The following SORL1 variants were observed in gnomAD, a reference collection of about 807,000 sequenced individuals.
SORL1 encodes the protein sortilin-related receptor.
SORL1 carries 127 observed loss-of-function variants against 273.7 expected under a neutral mutation model. The ratio of observed to expected loss-of-function variants is 0.46; its 90% CI spans 0.40 to 0.54. The LOEUF (loss-of-function observed/expected upper bound fraction) is 0.54. SORL1 is among the 20% of genes least tolerant of loss of function. The pLI is 0.00. For missense variants in SORL1, 2,494 were observed against 2,846.1 expected (o/e 0.88, Z 2.81); for synonymous variants, 1,031 against 1,067.4 (o/e 0.97, Z 0.66).
chr11:121,489,635 G>A (rs931770369), intron 4 of SORL1, among the ~76,000 whole-genome samples: 3 of 152,284 alleles, frequency 2.0e-5, no homozygotes, highest in African/African-American at 4.8e-5. Flanking sequence ...ATGGACACTT[G>A]GATTGCTTCC....
At chr11:121,570,120 G>T in intron 22 of SORL1, 37 bp from the exon 23 acceptor site, 2 of 1,355,172 alleles carry the variant, frequency 1.5e-6, no homozygotes, top group South Asian at 1.2e-5. Context: ...GAATAATATT[G>T]GTTTCATTTC....
intron 14 of SORL1, among the ~76,000 whole-genome samples, chr11:121,547,512 G>A (rs538890142): frequency 7.4e-5 from 11 of 148,748 alleles, no homozygotes; most frequent in Admixed American, 6.8e-5. Flanking sequence ...GGGACCTGCT[G>A]GTCTACCATG....
rs1176772075 is a variant in SORL1 at position 121,563,564 on chromosome 11, T to G, written c.3050-3376T>G. On this transcript the variant is annotated intron_variant, in intron 21 of 47. Transcript: ENST00000260197. This position sits in a 1 kb window ranked among gnomAD's most constrained non-coding sequence, Gnocchi z 4.2. ...GCATGTGCCACCATGCCTGGCTAAT[T>G]TTTTGTATTTTAGTAGAGATTGGGT... 6.6e-6 allele frequency among the ~76,000 whole-genome samples: 1 copy of G among 152,050 alleles called. No individual in the cohort carries two copies. The highest frequency in any genetic ancestry group is 1.5e-5 in the Non-Finnish European group (1 of 68,016).
At chr11:121,615,612 G>A (rs1863628627) in intron 41 of SORL1, among the ~76,000 whole-genome samples, 1 of 152,150 alleles carries the variant, frequency 6.6e-6, no homozygotes, top group African/African-American at 2.4e-5. Flanking sequence ...AAAGCATACA[G>A]AAGTAAATTT....
chr11:121,487,918 G>A (rs1861497718), intron 3 of SORL1, 114 bp from the exon 4 acceptor site: 2 of 1,062,654 alleles, frequency 1.9e-6, no homozygotes, highest in Non-Finnish European at 2.8e-6. Context: ...TGCCTTGTTG[G>A]TGCCAGCTGG....
chr11:121,583,656 A>G, intron 26 of SORL1, 73 bp downstream of exon 26: 10 of 1,494,854 alleles, frequency 6.7e-6, no homozygotes, highest in Non-Finnish European at 9.0e-6. Flanking sequence ...GGCCACAGAG[A>G]GCCAGGGGAT....
intron 1 of SORL1, among the ~76,000 whole-genome samples, chr11:121,467,654 A>C (rs901548974): frequency 1.3e-5 from 2 of 152,064 alleles, no homozygotes; most frequent in African/African-American, 2.4e-5. Context: ...TTTAGCTGGG[A>C]TTCCCAGGGC....
intron 27 of SORL1, 91 bp downstream of exon 27, chr11:121,586,420 T>C (rs1863110431): frequency 7.2e-6 from 7 of 970,326 alleles, no homozygotes; most frequent in Non-Finnish European, 1.2e-5. Context: ...ATTTCCTCAG[T>C]ACCTGCTTGT....
In SORL1 at chr11:121,522,688, C is replaced by G; in HGVS notation, c.1507C>G (p.Leu503Val). 1 of 1,613,096 alleles carries G rather than the reference C, an allele frequency of 6.2e-7. No homozygotes were observed. The highest frequency in any genetic ancestry group is 8.5e-7 in the Non-Finnish European group (1 of 1,178,998). ...PILSKESAPGLIIATGSVGKN... is the reference protein window; with the variant it reads ...PILSKESAPGVIIATGSVGKN... Reference sequence around the variant, plus strand: ...CCTGTCCAAGGAGTCGGCTCCAGGCCTCATCATCGCCACTGGTAAGTGTGC... The same window carrying G: ...CCTGTCCAAGGAGTCGGCTCCAGGCGTCATCATCGCCACTGGTAAGTGTGC... The change falls in exon 10 of 48, where the codon CTC (leucine) becomes GTC (valine). Residue 503 changes from leucine to valine, a missense_variant. Around this residue, in one of 3 missense-constraint regions of SORL1, gnomAD observed 710 missense variants for 882.5 expected, o/e 0.80. Coordinates refer to ENST00000260197, the MANE Select transcript of SORL1 (RefSeq NM_003105.6).
At chr11:121,591,380 A>G (rs1863212583) in intron 31 of SORL1, among the ~76,000 whole-genome samples, 1 of 152,212 alleles carries the variant, frequency 6.6e-6, no homozygotes, top group Admixed American at 6.5e-5. Flanking sequence ...GGAGCATCTC[A>G]TCCTCTATAA....
intron 3 of SORL1, among the ~76,000 whole-genome samples, chr11:121,485,329 T>TA (rs1314352609): frequency 2.0e-5 from 3 of 152,160 alleles, no homozygotes; most frequent in African/African-American, 7.2e-5. Context: ...GCCGTTTTGT[T>TA]AAAAGAGCTG....
chr11:121,545,442 T>C lies in SORL1; in HGVS notation c.2051+13T>C. ...AGGACTATGAGTGGTCAGTTCTTCT[T>C]TGATGGCTGGGGACTGAGTTGTGTT... On this transcript the variant is annotated intron_variant, in intron 14 of 47. Coordinates refer to ENST00000260197, the MANE Select transcript of SORL1 (RefSeq NM_003105.6). 1.2e-6 allele frequency: 2 copies of C among 1,613,196 alleles called. No homozygotes were observed. Among genetic ancestry groups the C allele is most frequent in the East Asian group, 2.2e-5 (1 of 44,836 alleles).
At chr11:121,559,131 A>ATTT (rs1862635757) in intron 20 of SORL1, among the ~76,000 whole-genome samples, 1 of 152,160 alleles carries the variant, frequency 6.6e-6, no homozygotes, top group Non-Finnish European at 1.5e-5. Context: ...TGGTGTCTTC[A>ATTT]TTTTTTGTGC....
Position 121,452,403 on chromosome 11 carries a change from C to T in SORL1, c.72C>T (p.Pro24=), listed in dbSNP as rs1240295212. The change falls in exon 1 of 48, where the codon CCC becomes CCT. Residue 24 remains proline, a synonymous_variant. Transcript: ENST00000260197. This position sits in a 1 kb window ranked among gnomAD's most constrained non-coding sequence, Gnocchi z 5.3. ...FLFTLVALLP[P]GALCEVWTQR... Reference sequence around the variant, plus strand: ...TCACCCTGGTCGCACTGCTGCCGCCCGGAGCTCTCTGCGAAGTCTGGACGC... The same window carrying T: ...TCACCCTGGTCGCACTGCTGCCGCCTGGAGCTCTCTGCGAAGTCTGGACGC... 1 of 1,532,516 alleles carries T rather than the reference C, an allele frequency of 6.5e-7. No homozygotes were observed. Among genetic ancestry groups the T allele is most frequent in the Non-Finnish European group, 8.7e-7 (1 of 1,143,158 alleles). The allele number at this position is 1,532,516 out of a possible 1,614,324, so 94.9% of individuals were successfully genotyped here. A position where few individuals can be genotyped will look rare whatever the true frequency, so the allele number is the denominator to read the frequency against.
At position 121,558,641 on chromosome 11, in the gene SORL1, G is replaced by A. The variant is rs373565736; in HGVS notation, c.2714G>A (p.Ser905Asn). ...GACCTGAAGCCTGGGATTTATCGGA[G>A]CAATATGGATGGTTCTGCTGCCTAT... ...WGDLKPGIYR[S>N]NMDGSAAYHL... is the part of the protein sequence containing the mutation. Residue 905 changes from serine to asparagine, a missense_variant, in exon 20 of 48, where the codon AGC becomes AAC. Around this residue, in one of 3 missense-constraint regions of SORL1, gnomAD observed 1,609 missense variants for 1,816.4 expected, o/e 0.89. Coordinates refer to ENST00000260197, the MANE Select transcript of SORL1 (RefSeq NM_003105.6). The A allele has an allele frequency of 1.2e-6, 2 of 1,614,110 alleles. No homozygotes were observed. The highest frequency in any genetic ancestry group is 1.7e-6 in the Non-Finnish European group (2 of 1,180,014).
intron 31 of SORL1, among the ~76,000 whole-genome samples, chr11:121,593,998 A>T (rs1814005215): frequency 6.6e-6 from 1 of 152,166 alleles, no homozygotes; most frequent in Admixed American, 6.5e-5. Flanking sequence ...GACTTAATTG[A>T]TAGTTGGGCT....
chr11:121,629,713 A>G lies in SORL1; in HGVS notation c.*150A>G, dbSNP rs1352137774. 1.7e-6 allele frequency: 1 copy of G among 601,718 alleles called. No individual in the cohort carries two copies. Among genetic ancestry groups the G allele is most frequent in the Non-Finnish European group, 2.9e-6 (1 of 340,250 alleles). 37.3% of individuals were successfully genotyped at this position (601,718 alleles called of 1,614,324 possible). A position where few individuals can be genotyped will look rare whatever the true frequency, so the allele number is the denominator to read the frequency against. Reference sequence around the variant, plus strand: ...AAACAAAAAAAAAAAAAAGGAAAGAAAGGAATGAATAAACTTTGTAGTAAT... The same window carrying G: ...AAACAAAAAAAAAAAAAAGGAAAGAGAGGAATGAATAAACTTTGTAGTAAT... On this transcript the variant is annotated 3_prime_UTR_variant, in exon 48 of 48. Transcript: ENST00000260197.
At position 121,563,416 on chromosome 11, in the gene SORL1, G is replaced by C. The variant is rs779191534; in HGVS notation, c.3050-3524G>C. ...TTTTTTATTTGTTTAGTTTTTTGGA[G>C]ACAGAGTCTCGTTCTGTTACCCCGG... On this transcript the variant is annotated intron_variant, in intron 21 of 47. Transcript: ENST00000260197. The surrounding 1 kb of genome is among the most constrained non-coding windows in gnomAD (Gnocchi z 4.2). 1.2e-4 allele frequency among the ~76,000 whole-genome samples: 18 copies of C among 152,092 alleles called. 1 individual carries two copies. The highest frequency in any genetic ancestry group is 2.1e-4 in the Non-Finnish European group (14 of 68,034).
At chr11:121,488,474 C>T (rs933965585) in intron 4 of SORL1, among the ~76,000 whole-genome samples, 2 of 152,130 alleles carry the variant, frequency 1.3e-5, no homozygotes, top group African/African-American at 4.8e-5. Flanking sequence ...TTTGTTAGCC[C>T]TTGGGGTAAA....
Sources: allele counts gnomAD v4.1 joint callset (sites outside exome capture counted in the v4.1 genomes callset), GRCh38; gene constraint gnomAD v4.1.1; regional missense constraint gnomAD v4.1.1; non-coding constraint Gnocchi (gnomAD v3.1); transcripts MANE v1.5; gene names NCBI Gene and HGNC (gene_info 2026-07-23, HGNC 2026-07-21).